KCNK13: variants seen among roughly 807,000 people sequenced by gnomAD.
KCNK13 encodes the protein potassium two pore domain channel subfamily K member 13, also known as potassium channel subfamily K member 13.
KCNK13 carries 12 observed loss-of-function variants against 23.4 expected under a neutral mutation model. The ratio of observed to expected loss-of-function variants is 0.51; its 90% CI spans 0.33 to 0.83. The LOEUF is 0.83. Ranked by LOEUF, KCNK13 falls within the 40% of genes least tolerant of loss-of-function variation. The pLI is 0.02. For missense variants in KCNK13, 463 were observed against 556.3 expected (o/e 0.83, Z 1.69); for synonymous variants, 231 against 229.5 (o/e 1.01, Z -0.06).
At chr14:90,178,271 G>T in intron 1 of KCNK13, among the ~76,000 whole-genome samples, 2 of 144,392 alleles carry the variant, frequency 1.4e-5, no homozygotes, top group African/African-American at 2.6e-5. Flanking sequence ...ACCCTGATGT[G>T]ATTATTATTA....
At chr14:90,080,174 C>T (rs1001808216) in intron 1 of KCNK13, among the ~76,000 whole-genome samples, 1 of 152,120 alleles carries the variant, frequency 6.6e-6, no homozygotes, top group African/African-American at 2.4e-5. Context: ...CAATTGAAGG[C>T]CAGGTGTGGT....
chr14:90,104,956 AT>A (rs35899021), intron 1 of KCNK13, among the ~76,000 whole-genome samples: 113,369 of 150,846 alleles, frequency 0.75, 42,886 homozygotes, highest in East Asian at 0.91. Flanking sequence ...TGCCTGGCTA[AT>A]TTTTTGTTTT....
chr14:90,136,914 C>T (rs17799148), intron 1 of KCNK13, among the ~76,000 whole-genome samples: 15,083 of 152,108 alleles, frequency 0.099, 1,063 homozygotes, highest in Admixed American at 0.25. Context: ...TGTTCATTAG[C>T]GTCGTCATGT....
At chr14:90,156,385 C>T (rs905430335) in intron 1 of KCNK13, among the ~76,000 whole-genome samples, 19 of 151,788 alleles carry the variant, frequency 1.3e-4, no homozygotes, top group South Asian at 1.2e-3. Flanking sequence ...AGACTGAGAA[C>T]GAGAAGACAG....
intron 1 of KCNK13, among the ~76,000 whole-genome samples, chr14:90,075,660 T>C (rs560738102): frequency 1.3e-5 from 2 of 152,240 alleles, no homozygotes; most frequent in African/African-American, 4.8e-5. Context: ...TGTATTTTTT[T>C]AGTAGAGACA....
intron 1 of KCNK13, among the ~76,000 whole-genome samples, chr14:90,123,052 A>G (rs530872931): frequency 6.6e-6 from 1 of 152,272 alleles, no homozygotes; most frequent in African/African-American, 2.4e-5. Context: ...CAGCTGCTTT[A>G]ATTGTATTTA....
rs572254920 is a variant in KCNK13 at position 90,109,351 on chromosome 14, A to G, written c.334+46812A>G. 1.8e-4 allele frequency among the ~76,000 whole-genome samples: 28 copies of G among 152,124 alleles called. No individual in the cohort carries two copies. In the East Asian group the frequency reaches 5.2e-3, roughly 28 times the overall value. On this transcript the variant is annotated intron_variant, in intron 1 of 1. Transcript: ENST00000282146. ...CTCAGATAAATGCAGACATGTATAC[A>G]TAAATATCCAGTGAGACATTTGGAA...
At chr14:90,119,671 C>T (rs1413275620) in intron 1 of KCNK13, among the ~76,000 whole-genome samples, 1 of 152,182 alleles carries the variant, frequency 6.6e-6, no homozygotes, top group East Asian at 1.9e-4. Flanking sequence ...ATGATCTTGG[C>T]TCACTGCAAG....
intron 1 of KCNK13, among the ~76,000 whole-genome samples, chr14:90,133,598 CA>C (rs35500723): frequency 0.6 from 69,835 of 117,192 alleles, 18,146 homozygotes; most frequent in East Asian, 0.82. Context: ...ACAAAACAGG[CA>C]AAAAAAAAAA....
At chr14:90,064,294 G>C (rs932555283) in intron 1 of KCNK13, among the ~76,000 whole-genome samples, 1 of 150,834 alleles carries the variant, frequency 6.6e-6, no homozygotes, top group African/African-American at 2.5e-5. Context: ...GAGATTTGAT[G>C]GCTGAATCTT....
rs1890278254 is a variant in KCNK13, at chr14:90,164,106, C to A, written c.335-20005C>A. On this transcript the variant is annotated intron_variant, in intron 1 of 1. Transcript: ENST00000282146. ...CTGTTCCCTTTGTGGAAAAATAAAT[C>A]CTAATGAATCAGCCCATCCTTTCCC... 1.3e-5 allele frequency among the ~76,000 whole-genome samples: 2 copies of A among 152,194 alleles called. 1 individual carries two copies. Among genetic ancestry groups the A allele is most frequent in the South Asian group, 4.1e-4 (2 of 4,830 alleles).
intron 1 of KCNK13, among the ~76,000 whole-genome samples, chr14:90,087,613 C>G (rs897499356): frequency 6.6e-6 from 1 of 152,166 alleles, no homozygotes; most frequent in Non-Finnish European, 1.5e-5. Context: ...GCAACACTCT[C>G]GTTGCTCAAT....
Position 90,184,892 on chromosome 14 carries a change from C to T in KCNK13, c.1116C>T (p.Asn372=), listed in dbSNP as rs112153420. ...ILQKQLSEMA[N]GCPHQTSTLA... ...AGAAGCAACTGTCTGAGATGGCCAA[C>T]GGCTGCCCCCACCAGACCAGCACAC... The change falls in exon 2 of 2, where the codon AAC becomes AAT. Residue 372 remains asparagine (N), a synonymous_variant. Coordinates refer to ENST00000282146, the MANE Select transcript of KCNK13 (RefSeq NM_022054.4). This position sits in a 1 kb window ranked among gnomAD's most constrained non-coding sequence, Gnocchi z 5.6. 11,192 of 1,613,692 alleles carry T rather than the reference C, an allele frequency of 6.9e-3. 101 individuals carry two copies. The highest frequency in any genetic ancestry group is 6.4e-3 in the South Asian group (584 of 91,078).
chr14:90,170,251 T>C (rs1247607017), intron 1 of KCNK13, among the ~76,000 whole-genome samples: 1 of 152,122 alleles, frequency 6.6e-6, no homozygotes, highest in Non-Finnish European at 1.5e-5. Context: ...TCTCACTCTG[T>C]TGCCCAGGCC....
intron 1 of KCNK13, among the ~76,000 whole-genome samples, chr14:90,106,657 T>A (rs978674211): frequency 6.6e-6 from 1 of 152,114 alleles, no homozygotes; most frequent in African/African-American, 2.4e-5. Context: ...TAAAATAAAC[T>A]ATACATATAT....
rs560789154 is a variant in KCNK13, at chr14:90,183,057, C to T, written c.335-1054C>T. On this transcript the variant is annotated intron_variant, in intron 1 of 1. Coordinates refer to ENST00000282146, the MANE Select transcript of KCNK13 (RefSeq NM_022054.4). ...CCCTCATTGCCCTTTCATGAGAAAT[C>T]CTGAATGTATCATTGCTCTCTTTTC... 1.8e-4 allele frequency among the ~76,000 whole-genome samples: 28 copies of T among 152,210 alleles called. 1 individual carries two copies. The South Asian group carries it at 4.8e-3, about 26-fold the overall frequency.
chr14:90,079,865 T>C (rs1259790899), intron 1 of KCNK13, among the ~76,000 whole-genome samples: 1 of 151,828 alleles, frequency 6.6e-6, no homozygotes, highest in Admixed American at 6.6e-5. Flanking sequence ...ACTTAATGAG[T>C]GAGGTCAAGG....
intron 1 of KCNK13, among the ~76,000 whole-genome samples, chr14:90,133,223 C>T (rs961456433): frequency 2.6e-5 from 4 of 152,160 alleles, no homozygotes; most frequent in African/African-American, 4.8e-5. Flanking sequence ...TCATTTTGTA[C>T]GTGACAAATC....
chr14:90,176,678 G>T (rs1460362341), intron 1 of KCNK13, among the ~76,000 whole-genome samples: 3 of 152,176 alleles, frequency 2.0e-5, no homozygotes, highest in Admixed American at 2.0e-4. Context: ...GCAGGTGTTT[G>T]ACTGCAACTT....
Sources: allele counts gnomAD v4.1 joint callset (sites outside exome capture counted in the v4.1 genomes callset), GRCh38; gene constraint gnomAD v4.1.1; non-coding constraint Gnocchi (gnomAD v3.1); transcripts MANE v1.5; gene names NCBI Gene and HGNC (gene_info 2026-07-23, HGNC 2026-07-21).